Variants in GLIS3 observed in about 807,000 individuals in gnomAD.
The protein encoded by GLIS3 is GLIS family zinc finger 3, also known as zinc finger protein GLIS3.
In GLIS3, 53 loss-of-function variants were observed where a neutral mutation model predicts 78.6. The ratio of observed to expected loss-of-function variants is 0.67; its 90% CI spans 0.54 to 0.85. The LOEUF is 0.85. Among genes scored for constraint, GLIS3 ranks in the 40% least tolerant of loss-of-function variants. The pLI is 0.00. For synonymous variants in GLIS3, 684 were observed against 509.9 expected, an observed-to-expected ratio of 1.34 and a Z score of -4.60; for missense variants, 1,703 against 1,231.1, an observed-to-expected ratio of 1.38 and a Z score of -5.74.
chr9:3,998,631 G>A (rs1820908084), intron 4 of GLIS3, among the ~76,000 whole-genome samples: 2 of 151,466 alleles, frequency 1.3e-5, no homozygotes, highest in South Asian at 2.1e-4. Context: ...TAAAAATAGT[G>A]TGAATTAATT....
At position 3,984,245 on chromosome 9, in the gene GLIS3, C is replaced by T. The variant is rs960084690; in HGVS notation, c.1711-47056G>A. On this transcript the variant is annotated intron_variant, in intron 4 of 10. Coordinates refer to ENST00000381971, the MANE Select transcript of GLIS3 (RefSeq NM_001042413.2). ...ATCCACTGACAGCTTGCACTTTGTA[C>T]CTAGAAAAGTTGCAGACACTCAACA... 9.2e-5 allele frequency among the ~76,000 whole-genome samples: 14 copies of T among 152,224 alleles called. No homozygotes were observed. In the East Asian group the frequency reaches 9.6e-4, roughly 10 times the overall value.
At chr9:4,276,624 G>T (rs1273476621) in intron 2 of GLIS3, among the ~76,000 whole-genome samples, 1 of 152,086 alleles carries the variant, frequency 6.6e-6, no homozygotes, top group African/African-American at 2.4e-5. Flanking sequence ...TCTGCTTCAT[G>T]TCCTGTAGCA....
chr9:4,310,550 T>C (rs570245616), intron 2 of GLIS3: 1 of 152,338 alleles, frequency 6.6e-6, no homozygotes, highest in African/African-American at 2.4e-5. Flanking sequence ...ATACATCCAT[T>C]AGTTTCAGTG....
intron 4 of GLIS3, among the ~76,000 whole-genome samples, chr9:3,941,182 A>G (rs747241443): frequency 1.1e-4 from 16 of 152,170 alleles, no homozygotes; most frequent in Non-Finnish European, 2.2e-4. Context: ...ATCTTGTGAC[A>G]AAAGTAAAGC....
intron 4 of GLIS3, among the ~76,000 whole-genome samples, chr9:4,037,205 T>C (rs908186527): frequency 1.3e-5 from 2 of 152,184 alleles, no homozygotes; most frequent in Non-Finnish European, 2.9e-5. Context: ...GTTAATTTCA[T>C]TTCGAGAAAG....
intron 2 of GLIS3, among the ~76,000 whole-genome samples, chr9:4,312,692 C>A (rs1161812879): frequency 6.6e-6 from 1 of 152,218 alleles, no homozygotes; most frequent in African/African-American, 2.4e-5. Context: ...CTTTCCCTCT[C>A]TGTTTTATGG....
At chr9:4,349,573 A>T (rs1304693385), upstream of GLIS3, among the ~76,000 whole-genome samples, 1 of 152,104 alleles carries the variant, frequency 6.6e-6, no homozygotes, top group Non-Finnish European at 1.5e-5. Flanking sequence ...ACCTAACAAA[A>T]CTTTGTTAAT....
chr9:4,288,583 T>C (rs373375261), intron 1 of GLIS3, among the ~76,000 whole-genome samples: 5 of 152,170 alleles, frequency 3.3e-5, no homozygotes, highest in Admixed American at 6.5e-5. Context: ...AGCACGATCA[T>C]TAAAAAGGTG....
At chr9:4,264,905 G>A (rs996793836) in intron 2 of GLIS3, among the ~76,000 whole-genome samples, 4 of 152,098 alleles carry the variant, frequency 2.6e-5, no homozygotes, top group African/African-American at 9.6e-5. Flanking sequence ...AGTGGCTCAC[G>A]CCTGTAATCC....
At chr9:4,451,254 G>C in the GLIS3 span, among the ~76,000 whole-genome samples, 1 of 152,130 alleles carries the variant, frequency 6.6e-6, no homozygotes, top group African/African-American at 2.4e-5. Context: ...GACAAAGAAG[G>C]CCACTACATG....
chr9:3,833,918 C>T (rs1396621156), intron 9 of GLIS3, among the ~76,000 whole-genome samples: 2 of 152,058 alleles, frequency 1.3e-5, no homozygotes, highest in Admixed American at 1.3e-4. Context: ...TTTCCCCCTC[C>T]TAAAAACAAA....
At chr9:4,308,415 G>A (rs546962423) in intron 4 of GLIS3, among the ~76,000 whole-genome samples, 6 of 152,094 alleles carry the variant, frequency 3.9e-5, no homozygotes, top group South Asian at 2.1e-4. Context: ...AAGGAAGGGC[G>A]CTGGAGGAGG....
chr9:3,996,994 A>G (rs959395840), intron 4 of GLIS3, among the ~76,000 whole-genome samples: 17 of 152,330 alleles, frequency 1.1e-4, no homozygotes, highest in Admixed American at 1.1e-3. Context: ...ATAATACCAT[A>G]ATCACTAAAA....
At position 3,905,237 on chromosome 9, in the gene GLIS3, G is replaced by A. The variant is rs1043250369; in HGVS notation, c.1984-6402C>T. ...GATCTCCTGACCTTGTGATCCGTCC[G>A]CCTCGGCCTCCCAAAGTGCTGGGAT... On this transcript the variant is annotated intron_variant, in intron 6 of 10. Transcript: ENST00000381971. 2.9e-4 allele frequency among the ~76,000 whole-genome samples: 42 copies of A among 144,130 alleles called. 1 individual carries two copies. Among genetic ancestry groups the A allele is most frequent in the Admixed American group, 2.4e-3 (33 of 13,552 alleles). 94.6% of individuals were successfully genotyped at this position (144,130 alleles called of 152,430 possible).
At chr9:4,189,635 C>T (rs1818143269) in intron 2 of GLIS3, among the ~76,000 whole-genome samples, 1 of 152,106 alleles carries the variant, frequency 6.6e-6, no homozygotes, top group Admixed American at 6.5e-5. Flanking sequence ...GTCTAAGTCT[C>T]TTTGTAGGTC....
At chr9:3,888,129 GA>G (rs564648368) in intron 7 of GLIS3, among the ~76,000 whole-genome samples, 1 of 152,110 alleles carries the variant, frequency 6.6e-6, no homozygotes, top group African/African-American at 2.4e-5. Flanking sequence ...TGGGAAGGCA[GA>G]AAAAAAGGAG....
At chr9:4,350,199 C>G (rs1217813764), upstream of GLIS3, among the ~76,000 whole-genome samples, 2 of 152,190 alleles carry the variant, frequency 1.3e-5, no homozygotes, top group African/African-American at 2.4e-5. Context: ...CTCCCTTCCT[C>G]CACCACCGCA....
intron 4 of GLIS3, among the ~76,000 whole-genome samples, chr9:4,021,350 G>T (rs1822868674): frequency 6.6e-6 from 1 of 152,122 alleles, no homozygotes; most frequent in African/African-American, 2.4e-5. Context: ...AACTGAATAA[G>T]AGATTTCTCA....
chr9:4,415,179 G>A, the GLIS3 span, among the ~76,000 whole-genome samples: 1 of 152,132 alleles, frequency 6.6e-6, no homozygotes, highest in Non-Finnish European at 1.5e-5. Flanking sequence ...TTGTGTAAAT[G>A]GATTAGGGAT....
Sources: gnomAD v4.1 joint callset for allele counts (sites outside exome capture counted in the v4.1 genomes callset) on GRCh38, gnomAD v4.1.1 for gene constraint, MANE v1.5 for transcripts, NCBI Gene and HGNC (gene_info 2026-07-23, HGNC 2026-07-21) for gene names.